The following PTPRD variants were observed in gnomAD, a reference collection of about 807,000 sequenced individuals.
The protein encoded by PTPRD is receptor-type tyrosine-protein phosphatase delta.
PTPRD carries 34 observed loss-of-function variants against 214.5 expected under a neutral mutation model. That is an observed-to-expected ratio of 0.16 (90% CI 0.12 to 0.21). The LOEUF is 0.21. PTPRD is among the 10% of genes least tolerant of loss of function. The pLI is 1.00. For synonymous variants in PTPRD, 1,128 were observed against 845.7 expected, an observed-to-expected ratio of 1.33 and a Z score of -5.79; for missense variants, 2,545 against 2,398.7, an observed-to-expected ratio of 1.06 and a Z score of -1.27.
At chr9:9,349,035 A>G (rs1569567597) in intron 9 of PTPRD, among the ~76,000 whole-genome samples, 1 of 152,214 alleles carries the variant, frequency 6.6e-6, no homozygotes, top group South Asian at 2.1e-4. Context: ...TTTGTAGCCA[A>G]TTACTATTAC....
intron 10 of PTPRD, among the ~76,000 whole-genome samples, chr9:9,044,602 G>C (rs959178980): frequency 5.3e-5 from 8 of 152,154 alleles, no homozygotes; most frequent in Admixed American, 5.2e-4. Context: ...CAATGACACT[G>C]TTAAATAAAA....
intron 8 of PTPRD, among the ~76,000 whole-genome samples, chr9:9,485,340 CA>C (rs1230319502): frequency 1.3e-5 from 2 of 152,038 alleles, no homozygotes; most frequent in African/African-American, 4.8e-5. Flanking sequence ...AATTTAGTAA[CA>C]TTTAGAAGAA....
chr9:9,618,327 T>C (rs1263611281), intron 7 of PTPRD, among the ~76,000 whole-genome samples: 2 of 151,834 alleles, frequency 1.3e-5, no homozygotes, highest in Non-Finnish European at 2.9e-5. Flanking sequence ...AATTAGAGGA[T>C]TACTCAAGTC....
chr9:8,691,564 C>A (rs551807454), intron 12 of PTPRD, among the ~76,000 whole-genome samples: 5 of 152,202 alleles, frequency 3.3e-5, no homozygotes, highest in Admixed American at 3.3e-4. Flanking sequence ...TCTTTTGAAA[C>A]CTTCATTACA....
intron 12 of PTPRD, chr9:8,713,237 G>A (rs2098382523): frequency 1.6e-6 from 1 of 616,434 alleles, no homozygotes; most frequent in Admixed American, 2.8e-5. Flanking sequence ...CTCCTAAACT[G>A]AGTCTCCAAT....
chr9:8,914,891 A>G (rs2098773786), intron 11 of PTPRD, among the ~76,000 whole-genome samples: 2 of 152,074 alleles, frequency 1.3e-5, no homozygotes, highest in African/African-American at 4.8e-5. Context: ...ACACCCCTTT[A>G]TTGCTTACAC....
intron 14 of PTPRD, among the ~76,000 whole-genome samples, chr9:8,629,300 T>A (rs1402369939): frequency 1.3e-5 from 2 of 151,806 alleles, no homozygotes; most frequent in East Asian, 3.9e-4. Context: ...GAAAGAAAAG[T>A]CTATGGATGG....
At position 8,803,892 on chromosome 9, in the gene PTPRD, A is replaced by C. The variant is rs552469979; in HGVS notation, c.-103-69946T>G. ...TAAACAATATTCCAAAACTTACACTAAAAGTGTTTTTTCTTTTAATATCTA... is the reference window on the plus strand; with the variant it reads ...TAAACAATATTCCAAAACTTACACTCAAAGTGTTTTTTCTTTTAATATCTA... On this transcript the variant is annotated intron_variant, in intron 11 of 45. Transcript: ENST00000381196. 3.9e-5 allele frequency among the ~76,000 whole-genome samples: 6 copies of C among 152,150 alleles called. No homozygotes were observed. The East Asian group carries it at 1.2e-3, about 29-fold the overall frequency.
intron 4 of PTPRD, among the ~76,000 whole-genome samples, chr9:9,983,544 C>T (rs1293795176): frequency 6.6e-6 from 1 of 152,180 alleles, no homozygotes; most frequent in Non-Finnish European, 1.5e-5. Flanking sequence ...ACACCGTAAG[C>T]CCTATGTATA....
intron 14 of PTPRD, among the ~76,000 whole-genome samples, chr9:8,563,590 C>T (rs2087439210): frequency 6.6e-6 from 1 of 151,804 alleles, no homozygotes; most frequent in Non-Finnish European, 1.5e-5. Flanking sequence ...ACATCTGCCG[C>T]CACACCTGGC....
intron 6 of PTPRD, among the ~76,000 whole-genome samples, chr9:9,748,188 T>C (rs1020600187): frequency 1.3e-5 from 2 of 152,198 alleles, no homozygotes; most frequent in Non-Finnish European, 2.9e-5. Flanking sequence ...CATATAAAGA[T>C]AGTATGGTAA....
chr9:8,940,889 C>A (rs1456844183), intron 11 of PTPRD, among the ~76,000 whole-genome samples: 1 of 151,998 alleles, frequency 6.6e-6, no homozygotes, highest in South Asian at 2.1e-4. Context: ...CTTTCAGACT[C>A]ATTTTATGCC....
At chr9:9,390,214 G>A (rs1478717578) in intron 9 of PTPRD, among the ~76,000 whole-genome samples, 1 of 152,136 alleles carries the variant, frequency 6.6e-6, no homozygotes, top group Admixed American at 6.6e-5. Context: ...ATGGAGGTGG[G>A]AAACCATGTC....
intron 9 of PTPRD, among the ~76,000 whole-genome samples, chr9:9,208,617 T>A (rs775202576): frequency 6.6e-6 from 1 of 152,048 alleles, no homozygotes; most frequent in Non-Finnish European, 1.5e-5. Flanking sequence ...ACATACCAAG[T>A]GTTTTTCCTA....
intron 9 of PTPRD, among the ~76,000 whole-genome samples, chr9:9,319,409 C>T (rs1004121005): frequency 1.3e-4 from 20 of 152,092 alleles, no homozygotes; most frequent in Admixed American, 1.1e-3. Context: ...CTCAAACAAT[C>T]TTTAGTTGGC....
At chr9:10,486,916 C>T (rs2099136631) in intron 2 of PTPRD, among the ~76,000 whole-genome samples, 1 of 151,992 alleles carries the variant, frequency 6.6e-6, no homozygotes, top group African/African-American at 2.4e-5. Context: ...AAATCTCCAG[C>T]TATTATTTTA....
At chr9:9,852,731 T>C (rs1369226793) in intron 5 of PTPRD, among the ~76,000 whole-genome samples, 1 of 152,212 alleles carries the variant, frequency 6.6e-6, no homozygotes, top group Non-Finnish European at 1.5e-5. Flanking sequence ...GTATCAGACA[T>C]GATGCTAGCA....
chr9:9,059,743 A>T (rs901315838), intron 10 of PTPRD, among the ~76,000 whole-genome samples: 9 of 152,096 alleles, frequency 5.9e-5, no homozygotes, highest in African/African-American at 2.2e-4. Context: ...CTTAGATACA[A>T]GGTAAATATA....
At chr9:8,978,456 T>C (rs1461173862) in intron 11 of PTPRD, among the ~76,000 whole-genome samples, 1 of 152,096 alleles carries the variant, frequency 6.6e-6, no homozygotes, top group African/African-American at 2.4e-5. Flanking sequence ...TGGGAAACTA[T>C]GAGGAAGATT....
Sources: allele counts gnomAD v4.1 joint callset (sites outside exome capture counted in the v4.1 genomes callset), GRCh38; gene constraint gnomAD v4.1.1; transcripts MANE v1.5; gene names NCBI Gene and HGNC (gene_info 2026-07-23, HGNC 2026-07-21).